CDH13: variants seen among roughly 807,000 people sequenced by gnomAD.
The protein encoded by CDH13 is cadherin-13.
A neutral mutation model predicts 63.8 loss-of-function variants in CDH13; 24 were observed. That is an observed-to-expected ratio of 0.38 (90% confidence interval 0.27 to 0.53). The LOEUF (loss-of-function observed/expected upper bound fraction) is 0.53. Among genes scored for constraint, CDH13 ranks in the 20% least tolerant of loss-of-function variants. The pLI is 0.85. For synonymous variants in CDH13, 503 were observed against 355.3 expected (o/e 1.42, Z -4.67); for missense variants, 1,049 against 903.1 (o/e 1.16, Z -2.07).
chr16:82,832,623 A>G (rs1010515431), intron 1 of CDH13, among the ~76,000 whole-genome samples: 1 of 152,228 alleles, frequency 6.6e-6, no homozygotes, highest in Non-Finnish European at 1.5e-5. Flanking sequence ...AATGAATCTT[A>G]AACATTCTTT....
chr16:83,417,512 A>G (rs1017116876), intron 6 of CDH13, among the ~76,000 whole-genome samples: 2 of 152,042 alleles, frequency 1.3e-5, no homozygotes, highest in Admixed American at 6.6e-5. Flanking sequence ...TGCCTTTCCA[A>G]TTTATCCTGC....
At chr16:83,603,139 G>C (rs776807545) in intron 8 of CDH13, among the ~76,000 whole-genome samples, 2 of 152,166 alleles carry the variant, frequency 1.3e-5, no homozygotes, top group African/African-American at 2.4e-5. Context: ...TTTATTCCAA[G>C]GGAGCGATGT....
intron 7 of CDH13, among the ~76,000 whole-genome samples, chr16:83,602,098 G>C (rs148845053): frequency 1.5e-4 from 1 of 6,634 alleles, no homozygotes; most frequent in Non-Finnish European, 2.6e-4. Flanking sequence ...AAAAAAAAAA[G>C]AACAACAACA....
intron 6 of CDH13, among the ~76,000 whole-genome samples, chr16:83,353,425 T>C (rs995217911): frequency 8.5e-5 from 13 of 152,356 alleles, no homozygotes; most frequent in African/African-American, 2.9e-4. Context: ...CCATTGCACA[T>C]GTTAGGACCC....
intron 1 of CDH13, among the ~76,000 whole-genome samples, chr16:82,634,416 C>G (rs1419254558): frequency 2.0e-5 from 3 of 152,208 alleles, no homozygotes; most frequent in African/African-American, 7.2e-5. Context: ...CGGAAAGTTG[C>G]TGGACACTGC....
chr16:82,840,795 C>T (rs1477371490), intron 1 of CDH13, among the ~76,000 whole-genome samples: 1 of 151,814 alleles, frequency 6.6e-6, no homozygotes, highest in Non-Finnish European at 1.5e-5. Context: ...ATACTGGAGA[C>T]ATTTTAATGG....
intron 4 of CDH13, among the ~76,000 whole-genome samples, chr16:83,164,875 G>A (rs996042426): frequency 7.8e-5 from 11 of 141,426 alleles, no homozygotes; most frequent in African/African-American, 3.3e-4. Context: ...CCCTCACAAA[G>A]TGGACATTAT....
At chr16:83,131,749 A>G (rs1009422887) in intron 4 of CDH13, among the ~76,000 whole-genome samples, 1 of 152,220 alleles carries the variant, frequency 6.6e-6, no homozygotes, top group African/African-American at 2.4e-5. Context: ...AAAACCAATG[A>G]AAGTACTTTT....
At chr16:82,798,322 C>T (rs1050288537) in intron 1 of CDH13, among the ~76,000 whole-genome samples, 1 of 152,176 alleles carries the variant, frequency 6.6e-6, no homozygotes, top group African/African-American at 2.4e-5. Context: ...GAACTCAGGT[C>T]TGTCTGATTT....
intron 8 of CDH13, among the ~76,000 whole-genome samples, chr16:83,662,117 T>C (rs191559803): frequency 4.3e-4 from 65 of 152,298 alleles, no homozygotes; most frequent in African/African-American, 1.6e-3. Flanking sequence ...GGGATGCCAA[T>C]GGGTTTTGGA....
intron 6 of CDH13, among the ~76,000 whole-genome samples, chr16:83,449,448 C>T (rs183789347): frequency 8.6e-4 from 131 of 152,308 alleles, no homozygotes; most frequent in African/African-American, 3.0e-3. Flanking sequence ...AGATCCTGTT[C>T]TAATGCAGAG....
At chr16:82,859,530 C>T (rs1279742755) in intron 2 of CDH13, 1 of 151,884 alleles carries the variant, frequency 6.6e-6, no homozygotes, top group Non-Finnish European at 1.5e-5. Flanking sequence ...TGCACTCCAA[C>T]CTGGGTGACA....
At chr16:82,897,697 G>A (rs1038024754) in intron 2 of CDH13, among the ~76,000 whole-genome samples, 3 of 152,260 alleles carry the variant, frequency 2.0e-5, no homozygotes, top group Admixed American at 2.0e-4. Flanking sequence ...CATTGCCAAT[G>A]CAAGGTGGAT....
intron 1 of CDH13, among the ~76,000 whole-genome samples, chr16:82,837,654 G>A (rs2038825356): frequency 6.6e-6 from 1 of 152,178 alleles, no homozygotes; most frequent in South Asian, 2.1e-4. Context: ...AGCAACATAT[G>A]GTGACACCGT....
At chr16:83,245,507 C>G (rs920826043) in intron 5 of CDH13, among the ~76,000 whole-genome samples, 9 of 152,192 alleles carry the variant, frequency 5.9e-5, no homozygotes, top group Admixed American at 5.9e-4. Flanking sequence ...GAAAGTAAAA[C>G]CCGAGAACTC....
At chr16:83,072,998 A>G (rs1330119881) in intron 3 of CDH13, among the ~76,000 whole-genome samples, 1 of 152,216 alleles carries the variant, frequency 6.6e-6, no homozygotes, top group Non-Finnish European at 1.5e-5. Context: ...CTAGGATGTG[A>G]AAGAAACACT....
At chr16:82,734,191 G>T (rs940155493) in intron 1 of CDH13, among the ~76,000 whole-genome samples, 1 of 152,206 alleles carries the variant, frequency 6.6e-6, no homozygotes, top group East Asian at 1.9e-4. Flanking sequence ...CATGAATAAA[G>T]TTCCATTGGA....
Position 82,977,648 on chromosome 16 carries a change from T to A in CDH13, c.158-54362T>A, listed in dbSNP as rs145103610. Among the ~76,000 whole-genome samples, 14 of 152,280 alleles carry A rather than the reference T, an allele frequency of 9.2e-5. No homozygotes were observed. In the East Asian group the frequency reaches 2.1e-3, roughly 23 times the overall value. On this transcript the variant is annotated intron_variant, in intron 2 of 13. Transcript: ENST00000567109. ...CGTGAGTCAATTGAACCTCTTTCCT[T>A]TATAAATTACCCAGTCTCAGGTATG...
At chr16:83,116,109 A>G (rs1429028098) in intron 3 of CDH13, among the ~76,000 whole-genome samples, 2 of 152,190 alleles carry the variant, frequency 1.3e-5, no homozygotes, top group African/African-American at 4.8e-5. Flanking sequence ...GGACAGACAA[A>G]ACTTGGAGTG....
Sources: gnomAD v4.1 joint callset for allele counts (sites outside exome capture counted in the v4.1 genomes callset) on GRCh38, gnomAD v4.1.1 for gene constraint, MANE v1.5 for transcripts, NCBI Gene and HGNC (gene_info 2026-07-23, HGNC 2026-07-21) for gene names.